The following HYDIN variants were observed in gnomAD, a reference collection of about 807,000 sequenced individuals.
HYDIN encodes the protein axonemal central pair apparatus protein HYDIN.
In HYDIN, 132 loss-of-function variants were observed where a neutral mutation model predicts 403.9. The observed-to-expected ratio is 0.33, with a 90% CI of 0.28 to 0.38. The LOEUF (loss-of-function observed/expected upper bound fraction) is 0.38. Ranked by LOEUF, HYDIN falls within the 10% of genes least tolerant of loss-of-function variation. The pLI is 1.00. For synonymous variants in HYDIN, 1,202 were observed against 1,891.7 expected, an observed-to-expected ratio of 0.64 and a Z score of 9.46; for missense variants, 2,827 against 5,009.5, an observed-to-expected ratio of 0.56 and a Z score of 13.15.
chr16:71,133,643 C>T (rs61406144), intron 8 of HYDIN, among the ~76,000 whole-genome samples: 1 of 152,124 alleles, frequency 6.6e-6, no homozygotes, highest in African/African-American at 2.4e-5. Flanking sequence ...ATTGAGAAAA[C>T]GGCTGTGACC....
chr16:71,111,273 C>A, intron 10 of HYDIN, among the ~76,000 whole-genome samples: 1 of 148,428 alleles, frequency 6.7e-6, no homozygotes, highest in Non-Finnish European at 1.5e-5. Context: ...CAGAAAAAAA[C>A]TGAGCTGAGT....
intron 1 of HYDIN, among the ~76,000 whole-genome samples, chr16:71,209,501 C>T (rs969290971): frequency 7.2e-5 from 11 of 152,066 alleles, no homozygotes; most frequent in African/African-American, 2.7e-4. Flanking sequence ...AGGATGTCCA[C>T]TCTCACCACT....
At chr16:71,069,911 G>A (rs1302742217) in intron 13 of HYDIN, among the ~76,000 whole-genome samples, 4 of 152,188 alleles carry the variant, frequency 2.6e-5, no homozygotes, top group Non-Finnish European at 5.9e-5. Context: ...AATCATGCTT[G>A]CTGTTTTTAT....
At chr16:71,003,659 C>T (rs1042193782) in intron 23 of HYDIN, among the ~76,000 whole-genome samples, 24 of 151,792 alleles carry the variant, frequency 1.6e-4, no homozygotes, top group Admixed American at 1.1e-3. Context: ...ATTAGCTGGG[C>T]GTGGTGGCAG....
intron 76 of HYDIN, among the ~76,000 whole-genome samples, chr16:70,839,383 T>C (rs1245947518): frequency 1.4e-5 from 2 of 147,760 alleles, no homozygotes; most frequent in African/African-American, 5.3e-5. Flanking sequence ...ACACATGTGG[T>C]TATTAAAATT....
In HYDIN at chr16:70,904,478, CTTTTTTTTTTTTTTTTTTTTTTTTT is replaced by C. The variant is rs76148650; in HGVS notation, c.8517-439_8517-415del. 4.8e-3 allele frequency among the ~76,000 whole-genome samples: 121 copies of C among 25,098 alleles called. 1 individual carries two copies. The highest frequency in any genetic ancestry group is 5.4e-3 in the Non-Finnish European group (56 of 10,410). The allele number at this position is 25,098 out of a possible 152,430, so 16.5% of individuals were successfully genotyped here. On this transcript the variant is annotated intron_variant, in intron 50 of 85. Coordinates refer to ENST00000393567, the MANE Select transcript of HYDIN (RefSeq NM_001270974.2). ...CTGAGAGAGATTATCACTTGAGTAACTTTTTTTTTTTTTTTTTTTTTTTTTTTTTTTTTTTTTTTTTGAGGGAGTT... is the reference window on the plus strand; with the variant it reads ...CTGAGAGAGATTATCACTTGAGTAACTTTTTTTTTTTTTTTTGAGGGAGTT...
chr16:71,082,169 C>T (rs1460952971), intron 12 of HYDIN, among the ~76,000 whole-genome samples: 1 of 151,712 alleles, frequency 6.6e-6, no homozygotes, highest in Admixed American at 6.6e-5. Flanking sequence ...GCTACGAGGC[C>T]CAAGAAAGTA....
intron 1 of HYDIN, among the ~76,000 whole-genome samples, chr16:71,198,916 C>T (rs953098732): frequency 6.6e-6 from 1 of 152,190 alleles, no homozygotes; most frequent in South Asian, 2.1e-4. Flanking sequence ...GAATAGTTTT[C>T]CAAAGTGGTT....
At chr16:71,031,199 CAAAA>C (rs376968331) in intron 19 of HYDIN, among the ~76,000 whole-genome samples, 1 of 25,218 alleles carries the variant, frequency 4.0e-5, no homozygotes, top group South Asian at 1.3e-3. Context: ...GACTCCATCT[CAAAA>C]AAAAAAAAAA....
chr16:71,052,149 T>G (rs1245603166), intron 18 of HYDIN, among the ~76,000 whole-genome samples: 2 of 152,276 alleles, frequency 1.3e-5, no homozygotes, highest in African/African-American at 4.8e-5. Flanking sequence ...AAAATAGACA[T>G]AATAATAAAA....
rs1374743133 is a variant in HYDIN, at chr16:70,807,588, T to C, written c.15358A>G (p.Thr5120Ala). 5 of 1,609,788 alleles carry C rather than the reference T, an allele frequency of 3.1e-6. No homozygotes were observed. The highest frequency in any genetic ancestry group is 2.5e-6 in the Non-Finnish European group (3 of 1,177,610). ...GGTAACCCTGGTTACCACTAAAGGG[T>C]GATCCCCTTCAGATAATAAACCCAT... ...VKWVYYLKGI[T>A]L The change falls in exon 86 of 86, where the codon ACC becomes GCC. Residue 5120 changes from threonine to alanine, a missense_variant. Physicochemically the swap from Thr to Ala is moderately conservative, Grantham distance 58. Transcript: ENST00000393567.
chr16:71,077,206 C>G (rs195624), intron 13 of HYDIN, among the ~76,000 whole-genome samples: 1 of 151,710 alleles, frequency 6.6e-6, no homozygotes, highest in Non-Finnish European at 1.5e-5. Flanking sequence ...GTCTATTTGC[C>G]TATGCTTTAA....
At chr16:71,007,228 T>A (rs1398690378) in intron 23 of HYDIN, among the ~76,000 whole-genome samples, 1 of 152,136 alleles carries the variant, frequency 6.6e-6, no homozygotes, top group Non-Finnish European at 1.5e-5. Context: ...TTTGGAAATG[T>A]CTGGCACACA....
At chr16:71,153,621 G>GT (rs1475042283) in intron 6 of HYDIN, among the ~76,000 whole-genome samples, 3 of 151,126 alleles carry the variant, frequency 2.0e-5, no homozygotes, top group East Asian at 2.0e-4. Context: ...CCCTCACTGG[G>GT]TGAACACAAC....
chr16:71,152,430 A>G (rs1373853605), intron 7 of HYDIN, among the ~76,000 whole-genome samples: 1 of 150,006 alleles, frequency 6.7e-6, no homozygotes, highest in Non-Finnish European at 1.5e-5. Context: ...GTTCTTTCGT[A>G]GTGATTTCTG....
chr16:71,163,106 T>A (rs112948062), intron 5 of HYDIN, among the ~76,000 whole-genome samples: 1 of 149,846 alleles, frequency 6.7e-6, no homozygotes, highest in East Asian at 2.0e-4. Flanking sequence ...GCCCATGTAT[T>A]AGAATGATGT....
intron 1 of HYDIN, chr16:71,203,665 T>A (rs886381426): frequency 2.2e-6 from 1 of 449,482 alleles, no homozygotes; most frequent in African/African-American, 2.0e-5. Flanking sequence ...GGACAGGTAA[T>A]TCCATACACA....
chr16:70,984,384 TAAAAAAA>T (rs71387558), intron 28 of HYDIN, among the ~76,000 whole-genome samples: 1 of 90,724 alleles, frequency 1.1e-5, no homozygotes, highest in African/African-American at 4.3e-5. Flanking sequence ...GACATGGTCT[TAAAAAAA>T]AAAAAAAAAA....
rs777881691 is a variant in HYDIN, at chr16:70,874,549, A to G, written c.10704T>C (p.Asp3568=). The G allele has an allele frequency of 3.4e-6, 2 of 589,470 alleles. No homozygotes were observed. Among genetic ancestry groups the G allele is most frequent in the South Asian group, 2.2e-5 (1 of 46,466 alleles). 36.5% of individuals were successfully genotyped at this position (589,470 alleles called of 1,614,324 possible). A position where few individuals can be genotyped will look rare whatever the true frequency, so the allele number is the denominator to read the frequency against. The stretch of plus-strand genomic sequence containing the variant: ...GGAAAACGACATCAAATTCAGCTGT[A>G]TCTCCAGGAGAAACAACCAAGGAGG... ...HTASLVVSPG[D]TAEFDVVFHS... The change falls in exon 64 of 86, where the codon GAT becomes GAC. Residue 3568 remains aspartate (D), a synonymous_variant. Transcript: ENST00000393567.
Sources: gnomAD v4.1 joint callset for allele counts (sites outside exome capture counted in the v4.1 genomes callset) on GRCh38, gnomAD v4.1.1 for gene constraint, MANE v1.5 for transcripts, NCBI Gene and HGNC (gene_info 2026-07-23, HGNC 2026-07-21) for gene names.